SH3GL2: variants seen among roughly 807,000 people sequenced by gnomAD.
SH3GL2 encodes endophilin-A1.
SH3GL2 carries 24 observed loss-of-function variants against 46.0 expected under a neutral mutation model. That is an observed-to-expected ratio of 0.52 (90% CI 0.38 to 0.73). The LOEUF (loss-of-function observed/expected upper bound fraction) is 0.73, where lower values mean the gene tolerates loss of function less well. Among genes scored for constraint, SH3GL2 ranks in the 30% least tolerant of loss-of-function variants. The probability of loss-of-function intolerance (pLI) is 0.00; values close to 1 mark genes in which losing one functional copy is unlikely to be tolerated. For missense variants in SH3GL2, 413 were observed against 424.2 expected (o/e 0.97, Z 0.23); for synonymous variants, 196 against 147.1 (o/e 1.33, Z -2.40).
At chr9:17,776,686 C>G (rs973532775) in intron 3 of SH3GL2, among the ~76,000 whole-genome samples, 1 of 125,690 alleles carries the variant, frequency 8.0e-6, no homozygotes, top group Non-Finnish European at 1.7e-5. Flanking sequence ...TTTTTTAAGC[C>G]AAGAAGTATG....
At position 17,796,678 on chromosome 9, in the gene SH3GL2, A is replaced by C. The variant is rs1210810716; in HGVS notation, c.*935A>C. On this transcript the variant is annotated 3_prime_UTR_variant, in exon 9 of 9. Transcript: ENST00000380607. ...CTTTCCACTAGTTCATATACTGAGA[A>C]ACAGTAAATACCTTTCCTTTCCACT... 1 of 152,646 alleles carries C rather than the reference A, an allele frequency of 6.6e-6. No homozygotes were observed. The highest frequency in any genetic ancestry group is 1.5e-5 in the Non-Finnish European group (1 of 68,036). 9.5% of individuals were successfully genotyped at this position (152,646 alleles called of 1,614,324 possible). A position where few individuals can be genotyped will look rare whatever the true frequency, so the allele number is the denominator to read the frequency against.
At chr9:17,718,464 T>C (rs1349267859) in intron 1 of SH3GL2, among the ~76,000 whole-genome samples, 1 of 152,278 alleles carries the variant, frequency 6.6e-6, no homozygotes, top group East Asian at 1.9e-4. Flanking sequence ...GGCTCACTCC[T>C]GTAATTGCCA....
intron 1 of SH3GL2, among the ~76,000 whole-genome samples, chr9:17,663,910 C>CT (rs1820282977): frequency 6.6e-6 from 1 of 151,810 alleles, no homozygotes; most frequent in Admixed American, 6.6e-5. Context: ...TTCTTTTTTT[C>CT]TTTTTTGTTA....
At chr9:17,634,931 A>G (rs910298831) in intron 1 of SH3GL2, among the ~76,000 whole-genome samples, 1 of 152,182 alleles carries the variant, frequency 6.6e-6, no homozygotes, top group African/African-American at 2.4e-5. Context: ...CATAGGATTC[A>G]GTGCCAGTAC....
At chr9:17,776,952 A>G (rs1823657189) in intron 3 of SH3GL2, among the ~76,000 whole-genome samples, 1 of 152,190 alleles carries the variant, frequency 6.6e-6, no homozygotes, top group Non-Finnish European at 1.5e-5. Flanking sequence ...ACTCCAGCAC[A>G]CCACTGGATT....
chr9:17,581,979 C>G (rs1818285697), intron 1 of SH3GL2, among the ~76,000 whole-genome samples: 1 of 152,038 alleles, frequency 6.6e-6, no homozygotes, highest in African/African-American at 2.4e-5. Flanking sequence ...CGCACCTGGC[C>G]TATAGCCTGG....
intron 1 of SH3GL2, among the ~76,000 whole-genome samples, chr9:17,667,814 T>C (rs1471979127): frequency 1.3e-5 from 2 of 152,220 alleles, no homozygotes; most frequent in Non-Finnish European, 2.9e-5. Flanking sequence ...CTACCAATAC[T>C]TGCTGTTGTC....
intron 1 of SH3GL2, among the ~76,000 whole-genome samples, chr9:17,674,645 T>C (rs887215491): frequency 1.3e-5 from 2 of 152,106 alleles, no homozygotes; most frequent in African/African-American, 4.8e-5. Flanking sequence ...GTTTCTTCTT[T>C]TTGTCTTTTT....
chr9:17,726,002 C>T (rs530001047), intron 1 of SH3GL2, among the ~76,000 whole-genome samples: 40 of 152,216 alleles, frequency 2.6e-4, no homozygotes, highest in African/African-American at 8.2e-4. Context: ...CAAGTCATTG[C>T]TCCAGTGCCA....
At chr9:17,629,785 T>C (rs1819376683) in intron 1 of SH3GL2, among the ~76,000 whole-genome samples, 1 of 152,218 alleles carries the variant, frequency 6.6e-6, no homozygotes, top group Non-Finnish European at 1.5e-5. Flanking sequence ...GGCCTAACTT[T>C]TGCATATACC....
intron 2 of SH3GL2, among the ~76,000 whole-genome samples, chr9:17,758,309 C>G (rs916858055): frequency 6.6e-6 from 1 of 151,906 alleles, no homozygotes; most frequent in Non-Finnish European, 1.5e-5. Flanking sequence ...GCCTGTAATC[C>G]CAGCACTTTG....
At chr9:17,734,704 A>G (rs1822276967) in intron 1 of SH3GL2, among the ~76,000 whole-genome samples, 1 of 151,340 alleles carries the variant, frequency 6.6e-6, no homozygotes, top group Non-Finnish European at 1.5e-5. Flanking sequence ...GAGACAAAAC[A>G]CCACATAATT....
chr9:17,741,231 G>A (rs1822520220), intron 1 of SH3GL2, among the ~76,000 whole-genome samples: 1 of 152,090 alleles, frequency 6.6e-6, no homozygotes, highest in African/African-American at 2.4e-5. Context: ...TTTTGGAAAA[G>A]TATTATGTTT....
At position 17,603,890 on chromosome 9, in the gene SH3GL2, CA is replaced by C. The variant is rs150670969; in HGVS notation, c.45+24604del. Among the ~76,000 whole-genome samples the C allele has an allele frequency of 6.4e-4, 98 of 152,128 alleles. No homozygotes were observed. The East Asian group carries it at 0.017, about 27-fold the overall frequency. The stretch of plus-strand genomic sequence containing the variant: ...CAAAAAAGAAACAAACAAAAGCAAC[CA>C]TGAATAAACTTATGCCACTGAATTA... On this transcript the variant is annotated intron_variant, in intron 1 of 8. Coordinates refer to ENST00000380607, the MANE Select transcript of SH3GL2 (RefSeq NM_003026.5).
chr9:17,795,829 C>A lies in SH3GL2; in HGVS notation c.*86C>A. ...TGGCAATGCTGCTTATAACACATCCCAAGTGCAGGCCGCAGTGGTCCACGT... is the reference window on the plus strand; with the variant it reads ...TGGCAATGCTGCTTATAACACATCCAAAGTGCAGGCCGCAGTGGTCCACGT... On this transcript the variant is annotated 3_prime_UTR_variant, in exon 9 of 9. Transcript: ENST00000380607. 1 of 1,094,540 alleles carries A rather than the reference C, an allele frequency of 9.1e-7. No individual in the cohort carries two copies. Among genetic ancestry groups the A allele is most frequent in the Non-Finnish European group, 1.3e-6 (1 of 743,680 alleles). The allele number at this position is 1,094,540 out of a possible 1,614,324, so 67.8% of individuals were successfully genotyped here. A position where few individuals can be genotyped will look rare whatever the true frequency, so the allele number is the denominator to read the frequency against.
intron 1 of SH3GL2, among the ~76,000 whole-genome samples, chr9:17,692,219 A>G (rs1020061537): frequency 2.0e-5 from 3 of 152,050 alleles, no homozygotes; most frequent in East Asian, 3.9e-4. Context: ...AGCAAGGTGC[A>G]GAATATGCTT....
At position 17,793,360 on chromosome 9, in the gene SH3GL2, A is replaced by C; in HGVS notation, c.729-7A>C. The C allele has an allele frequency of 6.2e-7, 1 of 1,605,896 alleles. No homozygotes were observed. The highest frequency in any genetic ancestry group is 8.5e-7 in the Non-Finnish European group (1 of 1,176,714). ...TAACCTTTCCACCACTTTTCTTTTTACTGCAGAATAAGACAGGCTTCATCT... is the reference window on the plus strand; with the variant it reads ...TAACCTTTCCACCACTTTTCTTTTTCCTGCAGAATAAGACAGGCTTCATCT... On this transcript the variant is annotated splice_polypyrimidine_tract_variant and splice_region_variant and intron_variant, in intron 7 of 8. Coordinates refer to ENST00000380607, the MANE Select transcript of SH3GL2 (RefSeq NM_003026.5).
At chr9:17,596,905 G>A (rs1405799354) in intron 1 of SH3GL2, among the ~76,000 whole-genome samples, 2 of 152,126 alleles carry the variant, frequency 1.3e-5, no homozygotes, top group Non-Finnish European at 2.9e-5. Flanking sequence ...GGATTGCTGG[G>A]CACAAGCATG....
chr9:17,614,084 C>T (rs2134586179), intron 1 of SH3GL2, among the ~76,000 whole-genome samples: 1 of 152,006 alleles, frequency 6.6e-6, no homozygotes, highest in South Asian at 2.1e-4. Context: ...TGCCATTTAT[C>T]TATCTTTTCA....
Sources: gnomAD v4.1 joint callset for allele counts (sites outside exome capture counted in the v4.1 genomes callset) on GRCh38, gnomAD v4.1.1 for gene constraint, MANE v1.5 for transcripts, NCBI Gene and HGNC (gene_info 2026-07-23, HGNC 2026-07-21) for gene names.